GPR158: variants seen among roughly 807,000 people sequenced by gnomAD.
The protein encoded by GPR158 is G protein-coupled receptor 158.
A neutral mutation model predicts 78.2 loss-of-function variants in GPR158; 30 were observed. That is an observed-to-expected ratio of 0.38 (90% CI 0.29 to 0.52). The LOEUF is 0.52. Ranked by LOEUF, GPR158 falls within the 20% of genes least tolerant of loss-of-function variation. The pLI is 0.83. For synonymous variants in GPR158, 581 were observed against 591.1 expected, an observed-to-expected ratio of 0.98 and a Z score of 0.25; for missense variants, 1,463 against 1,523.5, an observed-to-expected ratio of 0.96 and a Z score of 0.66.
At chr10:25,309,144 C>T (rs550129954) in intron 2 of GPR158, among the ~76,000 whole-genome samples, 1 of 152,210 alleles carries the variant, frequency 6.6e-6, no homozygotes, top group African/African-American at 2.4e-5. Flanking sequence ...GTTTTCTATA[C>T]TGGCTCTACC....
At chr10:25,593,121 C>CA (rs150234056) in intron 8 of GPR158, among the ~76,000 whole-genome samples, 4,567 of 151,954 alleles carry the variant, frequency 0.03, 237 homozygotes, top group African/African-American at 0.1. Flanking sequence ...ATGTATGTTA[C>CA]AAGCCTATTT....
intron 2 of GPR158, among the ~76,000 whole-genome samples, chr10:25,327,891 T>G (rs1397241883): frequency 6.6e-6 from 1 of 152,258 alleles, no homozygotes; most frequent in African/African-American, 2.4e-5. Flanking sequence ...TTTTTGAAAG[T>G]TTGTATACAT....
At chr10:25,382,712 C>T (rs1360846417) in intron 2 of GPR158, among the ~76,000 whole-genome samples, 1 of 152,114 alleles carries the variant, frequency 6.6e-6, no homozygotes, top group Non-Finnish European at 1.5e-5. Flanking sequence ...AATAAACTTG[C>T]AAATAGTTGT....
At chr10:25,365,058 A>C (rs1172145231) in intron 2 of GPR158, among the ~76,000 whole-genome samples, 3 of 149,228 alleles carry the variant, frequency 2.0e-5, no homozygotes, top group African/African-American at 7.6e-5. Context: ...TTGTATGTTA[A>C]ATATTTATTT....
At chr10:25,266,739 T>A (rs535754489) in intron 2 of GPR158, among the ~76,000 whole-genome samples, 1 of 152,284 alleles carries the variant, frequency 6.6e-6, no homozygotes, top group South Asian at 2.1e-4. Flanking sequence ...AATAAGTGAA[T>A]GATAATATTC....
intron 2 of GPR158, among the ~76,000 whole-genome samples, chr10:25,273,968 G>A (rs1422893735): frequency 3.3e-5 from 5 of 152,206 alleles, no homozygotes; most frequent in East Asian, 3.9e-4. Context: ...ATGAGCCACC[G>A]TGCCTAGCCT....
intron 8 of GPR158, among the ~76,000 whole-genome samples, chr10:25,593,254 G>C (rs562176571): frequency 2.6e-5 from 4 of 152,102 alleles, no homozygotes; most frequent in Non-Finnish European, 5.9e-5. Context: ...AAATCATCTT[G>C]ATGACAATTT....
At chr10:25,541,912 T>C (rs1836591396) in intron 5 of GPR158, among the ~76,000 whole-genome samples, 1 of 147,752 alleles carries the variant, frequency 6.8e-6, no homozygotes, top group Admixed American at 6.8e-5. Flanking sequence ...CAGGGGGAAA[T>C]TATAAATTAT....
intron 4 of GPR158, among the ~76,000 whole-genome samples, chr10:25,426,150 CCT>C (rs1420675513): frequency 6.6e-6 from 1 of 152,082 alleles, no homozygotes; most frequent in African/African-American, 2.4e-5. Context: ...AAAATATGGA[CCT>C]CTCTCAGCCT....
At position 25,450,313 on chromosome 10, in the gene GPR158, G is replaced by A. The variant is rs115047299; in HGVS notation, c.1336-16338G>A. The stretch of plus-strand genomic sequence containing the variant: ...GGCTGGAAGAGCTGAGGGGCAAGCC[G>A]GGGCTGTTCTGTGCTGAAGATGCTC... On this transcript the variant is annotated intron_variant, in intron 4 of 10. Coordinates refer to ENST00000376351, the MANE Select transcript of GPR158 (RefSeq NM_020752.3). Among the ~76,000 whole-genome samples, 1,162 of 151,838 alleles carry A rather than the reference G, an allele frequency of 7.7e-3. 3 individuals carry two copies. The highest frequency in any genetic ancestry group is 0.014 in the Middle Eastern group (4 of 294).
At chr10:25,331,115 A>T (rs778455093) in intron 2 of GPR158, among the ~76,000 whole-genome samples, 9 of 151,922 alleles carry the variant, frequency 5.9e-5, no homozygotes, top group African/African-American at 1.2e-4. Context: ...ATATATATAT[A>T]TTTTTGTAGA....
intron 5 of GPR158, among the ~76,000 whole-genome samples, chr10:25,521,742 A>G (rs1373343221): frequency 1.3e-5 from 2 of 152,238 alleles, no homozygotes; most frequent in East Asian, 1.9e-4. Context: ...ATCCTTGCAC[A>G]TGGGCCATGC....
chr10:25,289,931 C>T (rs927525829), intron 2 of GPR158, among the ~76,000 whole-genome samples: 1 of 152,094 alleles, frequency 6.6e-6, no homozygotes, highest in African/African-American at 2.4e-5. Flanking sequence ...AATGACAAAT[C>T]AAGACTGTAA....
chr10:25,516,931 G>T lies in GPR158; in HGVS notation c.1405-34045G>T, dbSNP rs1347101558. ...AGAAAGTCATTGGTAGCTTGATGGG[G>T]ATGGCATTGAATCTGCAAATTACCT... On this transcript the variant is annotated intron_variant, in intron 5 of 10. Transcript: ENST00000376351. Among the ~76,000 whole-genome samples the T allele has an allele frequency of 1.4e-5, 2 of 145,900 alleles. 1 individual carries two copies. Among genetic ancestry groups the T allele is most frequent in the African/African-American group, 5.4e-5 (2 of 37,356 alleles).
At chr10:25,291,003 A>G (rs1014134705) in intron 2 of GPR158, among the ~76,000 whole-genome samples, 6 of 152,082 alleles carry the variant, frequency 3.9e-5, no homozygotes, top group African/African-American at 1.4e-4. Flanking sequence ...ATACAATCTC[A>G]TGCAATTATC....
chr10:25,539,033 G>C (rs1336669133), intron 5 of GPR158, among the ~76,000 whole-genome samples: 1 of 152,118 alleles, frequency 6.6e-6, no homozygotes, highest in Non-Finnish European at 1.5e-5. Context: ...ACTTTCCATT[G>C]TGTGCCCTCC....
In GPR158 at chr10:25,598,374, A is replaced by G. The variant is rs367768509; in HGVS notation, c.2748A>G (p.Leu916=). The G allele has an allele frequency of 4.7e-5, 76 of 1,614,050 alleles. No individual in the cohort carries two copies. Among genetic ancestry groups the G allele is most frequent in the Non-Finnish European group, 5.3e-5 (63 of 1,180,034 alleles). The change falls in exon 11 of 11, where the codon TTA becomes TTG. Residue 916 remains leucine (L), a synonymous_variant. Coordinates refer to ENST00000376351, the MANE Select transcript of GPR158 (RefSeq NM_020752.3). The stretch of plus-strand genomic sequence containing the variant: ...GCGCCAAGGAGAAGACTCTTGGATT[A>G]GCTGGGAAAACCCAAACAGCAGGTG... ...IASAKEKTLG[L]AGKTQTAGVE...
chr10:25,363,446 G>T (rs1481951523), intron 2 of GPR158, among the ~76,000 whole-genome samples: 1 of 151,884 alleles, frequency 6.6e-6, no homozygotes, highest in Non-Finnish European at 1.5e-5. Context: ...ACCCATCCAT[G>T]GCCTCACTAC....
At chr10:25,544,219 C>G (rs914911205) in intron 5 of GPR158, among the ~76,000 whole-genome samples, 2 of 152,034 alleles carry the variant, frequency 1.3e-5, no homozygotes, top group Non-Finnish European at 2.9e-5. Context: ...CTGTGGCCAA[C>G]AAATTCAATG....
Sources: allele counts gnomAD v4.1 joint callset (sites outside exome capture counted in the v4.1 genomes callset), GRCh38; gene constraint gnomAD v4.1.1; transcripts MANE v1.5; gene names NCBI Gene and HGNC (gene_info 2026-07-23, HGNC 2026-07-21).